SDK1: variants seen among roughly 807,000 people sequenced by gnomAD.
SDK1 encodes sidekick cell adhesion molecule 1.
Under a neutral mutation model 245.5 loss-of-function variants are expected in SDK1, and 157 were observed. The observed-to-expected ratio is 0.64, with a 90% CI of 0.56 to 0.73. SDK1 has a LOEUF of 0.73. Ranked by LOEUF, SDK1 falls within the 30% of genes least tolerant of loss-of-function variation. SDK1 has a pLI of 0.00. For synonymous variants in SDK1, 1,647 were observed against 1,278.5 expected (o/e 1.29, Z -6.15); for missense variants, 3,583 against 3,002.3 (o/e 1.19, Z -4.52).
chr7:3,639,588 CTT>C (rs1012390035), intron 3 of SDK1, among the ~76,000 whole-genome samples: 2 of 152,060 alleles, frequency 1.3e-5, no homozygotes, highest in African/African-American at 4.8e-5. Flanking sequence ...TTTATTAATT[CTT>C]TATTCAGCAG....
chr7:3,676,322 CTTTTTTT>C (rs3086109), intron 4 of SDK1, among the ~76,000 whole-genome samples: 47,960 of 133,158 alleles, frequency 0.36, 9,005 homozygotes, highest in African/African-American at 0.49. Flanking sequence ...TCTTCTAGTA[CTTTTTTT>C]TTTTTTTTTT....
intron 38 of SDK1, among the ~76,000 whole-genome samples, chr7:4,210,719 G>A (rs187506984): frequency 2.4e-4 from 37 of 152,306 alleles, no homozygotes; most frequent in African/African-American, 7.7e-4. Flanking sequence ...TGCTGGAATC[G>A]AGGACCTGGG....
At chr7:3,418,566 T>G (rs1779445650) in intron 1 of SDK1, among the ~76,000 whole-genome samples, 1 of 152,176 alleles carries the variant, frequency 6.6e-6, no homozygotes, top group South Asian at 2.1e-4. Flanking sequence ...TCTACAGGAC[T>G]TGAAACATAG....
intron 5 of SDK1, among the ~76,000 whole-genome samples, chr7:3,839,730 A>G (rs1780111597): frequency 1.3e-5 from 2 of 152,212 alleles, no homozygotes; most frequent in South Asian, 2.1e-4. Context: ...TTCTTATTCA[A>G]TAATTATTTG....
intron 14 of SDK1, among the ~76,000 whole-genome samples, chr7:3,988,130 ATGT>A (rs1784017092): frequency 3.5e-5 from 4 of 113,838 alleles, no homozygotes; most frequent in African/African-American, 6.5e-5. Context: ...CATCTTTTTA[ATGT>A]TTTTTTTTTT....
intron 25 of SDK1, among the ~76,000 whole-genome samples, chr7:4,116,177 A>G (rs1277349684): frequency 6.6e-6 from 1 of 152,142 alleles, no homozygotes; most frequent in Non-Finnish European, 1.5e-5. Context: ...GGACAGCTGG[A>G]GTGAGGACGC....
intron 4 of SDK1, among the ~76,000 whole-genome samples, chr7:3,703,060 C>CAAAAA (rs34926857): frequency 1.1e-5 from 1 of 87,634 alleles, no homozygotes; most frequent in Admixed American, 1.1e-4. Flanking sequence ...GACTCTGTCT[C>CAAAAA]AAAAAAAAAA....
intron 4 of SDK1, among the ~76,000 whole-genome samples, chr7:3,818,028 A>G (rs1779552494): frequency 6.6e-6 from 1 of 152,226 alleles, no homozygotes; most frequent in Admixed American, 6.5e-5. Flanking sequence ...ATGATGTAGC[A>G]GTGTCTTCTC....
chr7:3,668,787 A>C (rs960940520), intron 4 of SDK1, among the ~76,000 whole-genome samples: 24 of 152,200 alleles, frequency 1.6e-4, no homozygotes, highest in Non-Finnish European at 3.4e-4. Context: ...TGAAATTCCT[A>C]CTCAAACAAA....
In SDK1 at chr7:4,220,671, G is replaced by A. The variant is rs1046555819; in HGVS notation, c.5701+401G>A. 6.6e-5 allele frequency among the ~76,000 whole-genome samples: 10 copies of A among 152,298 alleles called. 1 individual carries two copies. The South Asian group carries it at 1.5e-3, about 22-fold the overall frequency. On this transcript the variant is annotated intron_variant, in intron 39 of 44. Transcript: ENST00000404826. The stretch of plus-strand genomic sequence containing the variant: ...GCCCTTTGTTTAAAGACAGGAAGGC[G>A]TGGGCTGCAGAACCGGCATTCAGGG...
At chr7:3,350,815 CTG>C (rs930446040) in intron 1 of SDK1, among the ~76,000 whole-genome samples, 1 of 152,060 alleles carries the variant, frequency 6.6e-6, no homozygotes, top group Non-Finnish European at 1.5e-5. Flanking sequence ...TTGTGTGACA[CTG>C]AAAAAAATTA....
At chr7:3,637,556 G>A (rs1288581175) in intron 2 of SDK1, among the ~76,000 whole-genome samples, 2 of 152,278 alleles carry the variant, frequency 1.3e-5, no homozygotes, top group East Asian at 3.9e-4. Flanking sequence ...AGTGGCGGTT[G>A]GTTACCTATC....
chr7:3,446,304 T>C (rs1018239429), intron 1 of SDK1, among the ~76,000 whole-genome samples: 9 of 152,168 alleles, frequency 5.9e-5, no homozygotes, highest in Non-Finnish European at 1.0e-4. Flanking sequence ...TGCAAGTACA[T>C]TAACTTAGCT....
chr7:3,608,909 T>C (rs1781504224), intron 1 of SDK1, among the ~76,000 whole-genome samples: 1 of 152,206 alleles, frequency 6.6e-6, no homozygotes, highest in South Asian at 2.1e-4. Context: ...CAGCCATGTA[T>C]CTGGGAGGCT....
intron 1 of SDK1, among the ~76,000 whole-genome samples, chr7:3,393,594 G>A (rs1477046812): frequency 6.6e-6 from 1 of 152,166 alleles, no homozygotes. Context: ...ATACTACGTA[G>A]CAGTTAAAAT....
intron 13 of SDK1, among the ~76,000 whole-genome samples, chr7:3,975,964 G>A (rs866337355): frequency 0.012 from 1,464 of 121,514 alleles, 21 homozygotes; most frequent in African/African-American, 0.024. Flanking sequence ...CACGCAGAGG[G>A]TCCTCCAGAG....
At chr7:4,062,355 C>T (rs920804788) in intron 19 of SDK1, among the ~76,000 whole-genome samples, 1 of 151,890 alleles carries the variant, frequency 6.6e-6, no homozygotes, top group Non-Finnish European at 1.5e-5. Flanking sequence ...AATTGGAAAA[C>T]CTAGGAGAAA....
At chr7:3,938,189 A>G (rs748038809) in intron 5 of SDK1, among the ~76,000 whole-genome samples, 1 of 152,154 alleles carries the variant, frequency 6.6e-6, no homozygotes, top group Non-Finnish European at 1.5e-5. Context: ...GGCTGGTTAC[A>G]TTCTCAGCAA....
intron 1 of SDK1, among the ~76,000 whole-genome samples, chr7:3,501,148 C>A (rs1335153279): frequency 6.6e-6 from 1 of 152,128 alleles, no homozygotes; most frequent in Non-Finnish European, 1.5e-5. Flanking sequence ...GATTAAAGAT[C>A]TGGGCATATT....
Sources: gnomAD v4.1 joint callset for allele counts (sites outside exome capture counted in the v4.1 genomes callset) on GRCh38, gnomAD v4.1.1 for gene constraint, MANE v1.5 for transcripts, NCBI Gene and HGNC (gene_info 2026-07-23, HGNC 2026-07-21) for gene names.